SLC25A32: variants seen among roughly 807,000 people sequenced by gnomAD.
The protein encoded by SLC25A32 is Glycine auxotroph B, complementation of hamster.
A neutral mutation model predicts 39.0 loss-of-function variants in SLC25A32; 32 were observed. The ratio of observed to expected loss-of-function variants is 0.82; its 90% CI spans 0.62 to 1.10. SLC25A32 has a LOEUF of 1.10. SLC25A32 is among the 50% of genes least tolerant of loss of function. The probability of loss-of-function intolerance (pLI) is 0.00; values close to 1 mark genes in which losing one functional copy is unlikely to be tolerated. For missense variants in SLC25A32, 367 were observed against 395.3 expected (o/e 0.93, Z 0.61); for synonymous variants, 166 against 152.4 (o/e 1.09, Z -0.66).
chr8:103,407,575 C>T, intron 2 of SLC25A32, 59 bp downstream of exon 2: 1 of 1,332,268 alleles, frequency 7.5e-7, no homozygotes, highest in Non-Finnish European at 1.0e-6. Context: ...ATGTAAAAAT[C>T]ACCGAAAACA....
chr8:103,409,996 C>G (rs1013566832), intron 1 of SLC25A32, among the ~76,000 whole-genome samples: 1 of 152,154 alleles, frequency 6.6e-6, no homozygotes, highest in Non-Finnish European at 1.5e-5. Context: ...GGTTTTCCTG[C>G]ATAGTTTATA....
Position 103,414,902 on chromosome 8 carries a change from C to A in SLC25A32, c.36G>T (p.Ser12=). 6 of 1,611,332 alleles carry A rather than the reference C, an allele frequency of 3.7e-6. No homozygotes were observed. The highest frequency in any genetic ancestry group is 5.1e-6 in the Non-Finnish European group (6 of 1,179,180). ...TGQGQSASGS[S]AWSTVFRHVR... ...CGTGGCGGAATACCGTGCTCCACGCCGACGACCCGGACGCCGACTGGCCCT... is the reference window on the plus strand; with the variant it reads ...CGTGGCGGAATACCGTGCTCCACGCAGACGACCCGGACGCCGACTGGCCCT... The change falls in exon 1 of 7, where the codon TCG becomes TCT. Residue 12 remains serine, a synonymous_variant. Coordinates refer to ENST00000297578, the MANE Select transcript of SLC25A32 (RefSeq NM_030780.5).
At chr8:103,405,058 T>C (rs146282374) in intron 2 of SLC25A32, among the ~76,000 whole-genome samples, 197 bp from the exon 3 acceptor site, 34 of 152,286 alleles carry the variant, frequency 2.2e-4, no homozygotes, top group African/African-American at 7.9e-4. Flanking sequence ...CTCAAATGAA[T>C]ACGGCTAGCA....
rs1388075177 is a variant in SLC25A32, at chr8:103,400,431, G to C, written c.928C>G (p.Leu310Val). 3 of 1,614,028 alleles carry C rather than the reference G, an allele frequency of 1.9e-6. No homozygotes were observed. The highest frequency in any genetic ancestry group is 2.2e-5 in the South Asian group (2 of 91,086). Residue 310 changes from leucine (L) to valine (V), a missense_variant, in exon 7 of 7, where the codon CTT becomes GTT. Transcript: ENST00000297578. ...YENVSHFLLD[L>V]REKRK The stretch of plus-strand genomic sequence containing the variant: ...TGAGCTTACTTTCTCTTTTCTCTAA[G>C]GTCAAGTAAAAAATGTGAGACGTTT...
chr8:103,401,985 A>T lies in SLC25A32; in HGVS notation c.622T>A (p.Leu208Met), dbSNP rs148952091. Residue 208 changes from leucine (L) to methionine (M), a missense_variant, in exon 5 of 7, where the codon TTG becomes ATG. By Grantham distance (15) the Leu-to-Met change is conservative (BLOSUM62 2). Transcript: ENST00000297578. ...LQFMAYELLK[L>M]KYNQHINRLP... ...CTATTGATATGCTGGTTGTACTTCA[A>T]CTTCAGCAATTCATATGCCATAAAC... 1.2e-6 allele frequency: 2 copies of T among 1,613,302 alleles called. No individual in the cohort carries two copies. The highest frequency in any genetic ancestry group is 2.7e-5 in the African/African-American group (2 of 74,930).
Position 103,401,858 on chromosome 8 carries a change from C to A in SLC25A32, c.666+83G>T, listed in dbSNP as rs1284956801. 3 of 1,153,222 alleles carry A rather than the reference C, an allele frequency of 2.6e-6. No individual in the cohort carries two copies. The East Asian group carries it at 7.5e-5, about 29-fold the overall frequency. The allele number at this position is 1,153,222 out of a possible 1,614,324, so 71.4% of individuals were successfully genotyped here. A position where few individuals can be genotyped will look rare whatever the true frequency, so the allele number is the denominator to read the frequency against. On this transcript the variant is annotated intron_variant, in intron 5 of 6. Transcript: ENST00000297578. ...CCAGTACTCATCATCATAGCACTAC[C>A]ACCAAAGTAAGCATGACAAAAATTT...
chr8:103,409,372 T>TC (rs1816411188), intron 1 of SLC25A32, among the ~76,000 whole-genome samples: 1 of 152,174 alleles, frequency 6.6e-6, no homozygotes, highest in Non-Finnish European at 1.5e-5. Context: ...ACATATGACA[T>TC]TATGGTTTTC....
chr8:103,409,123 A>C (rs1816402497), intron 1 of SLC25A32, among the ~76,000 whole-genome samples: 1 of 152,226 alleles, frequency 6.6e-6, no homozygotes, highest in Non-Finnish European at 1.5e-5. Context: ...ACAAGGAATA[A>C]TACAGTATCA....
chr8:103,408,341 G>A (rs1385784609), intron 1 of SLC25A32, among the ~76,000 whole-genome samples: 1 of 152,008 alleles, frequency 6.6e-6, no homozygotes, highest in Non-Finnish European at 1.5e-5. Context: ...AGTGTTTATT[G>A]AGGGCATACT....
At chr8:103,410,653 G>A (rs868343936) in intron 1 of SLC25A32, among the ~76,000 whole-genome samples, 5 of 152,048 alleles carry the variant, frequency 3.3e-5, no homozygotes, top group Non-Finnish European at 4.4e-5. Context: ...ATGACCTCAT[G>A]ATCATTTTAA....
chr8:103,404,476 T>C (rs1260391187), intron 3 of SLC25A32, among the ~76,000 whole-genome samples: 1 of 151,930 alleles, frequency 6.6e-6, no homozygotes, highest in Non-Finnish European at 1.5e-5. Flanking sequence ...GTGTCTGTAG[T>C]CCCAGCTACT....
In SLC25A32 at chr8:103,407,655, G is replaced by T; in HGVS notation, c.284C>A (p.Ser95Tyr). The stretch of plus-strand genomic sequence containing the variant: ...TCACAAGAAAAAGTAGAGTCCCCAG[G>T]ATAAACCTGCACCCCATATATTTGG... Reference protein sequence around the residue: ...VTPNIWGAGLSWGLYFFFYNA... With the variant: ...VTPNIWGAGLYWGLYFFFYNA... Residue 95 changes from serine to tyrosine, a missense_variant, in exon 2 of 7, where the codon TCC becomes TAC. Ser to Tyr is a moderately radical substitution (Grantham distance 144). Transcript: ENST00000297578. The T allele has an allele frequency of 6.3e-7, 1 of 1,596,836 alleles. No homozygotes were observed. The highest frequency in any genetic ancestry group is 1.1e-5 in the South Asian group (1 of 88,620).
chr8:103,402,854 C>G (rs1340397858), intron 4 of SLC25A32, among the ~76,000 whole-genome samples: 1 of 152,148 alleles, frequency 6.6e-6, no homozygotes, highest in East Asian at 1.9e-4. Flanking sequence ...CCCCAAGAGA[C>G]CACAGCTTCC....
In SLC25A32 at chr8:103,406,065, G is replaced by GTGTGTA. The variant is rs372284581; in HGVS notation, c.306-1205_306-1204insTACACA. On this transcript the variant is annotated intron_variant, in intron 2 of 6. Coordinates refer to ENST00000297578, the MANE Select transcript of SLC25A32 (RefSeq NM_030780.5). ...AAATTCATGATGTGTGTGTGTGTGTGTATATATATATATATACACACACAC... is the reference window on the plus strand; with the variant it reads ...AAATTCATGATGTGTGTGTGTGTGTGTGTGTATATATATATATATATACACACACAC... Among the ~76,000 whole-genome samples, 663 of 144,226 alleles carry GTGTGTA rather than the reference G, an allele frequency of 4.6e-3. 9 individuals carry two copies. Among genetic ancestry groups the GTGTGTA allele is most frequent in the African/African-American group, 0.014 (525 of 38,608 alleles). The allele number at this position is 144,226 out of a possible 152,430, so 94.6% of individuals were successfully genotyped here.
chr8:103,415,107 T>C lies in SLC25A32; in HGVS notation c.-170A>G, dbSNP rs900091638. On this transcript the variant is annotated 5_prime_UTR_variant, in exon 1 of 7. Transcript: ENST00000297578. ...TGAGCGAAGCCGGAGACTCTAGTAC[T>C]GAGGGGGCAAGAACGGGGCACAGAC... The C allele has an allele frequency of 1.1e-5, 18 of 1,612,082 alleles. No homozygotes were observed. Among genetic ancestry groups the C allele is most frequent in the Middle Eastern group, 1.6e-4 (1 of 6,080 alleles).
intron 1 of SLC25A32, among the ~76,000 whole-genome samples, chr8:103,411,976 C>G (rs1216914471): frequency 1.3e-5 from 2 of 152,244 alleles, no homozygotes; most frequent in African/African-American, 2.4e-5. Flanking sequence ...AACAGACTTT[C>G]TGAGCTTGAA....
At chr8:103,414,676 CA>C (rs10709873) in intron 1 of SLC25A32, 107 bp downstream of exon 1, 663,756 of 1,493,374 alleles carry the variant, frequency 0.44, 149,014 homozygotes, top group African/African-American at 0.49. Context: ...ACGCGGACAG[CA>C]ACGCTCCCTT....
Position 103,401,824 on chromosome 8 carries a change from G to A in SLC25A32, c.666+117C>T, listed in dbSNP as rs3133808. On this transcript the variant is annotated intron_variant, in intron 5 of 6. Coordinates refer to ENST00000297578, the MANE Select transcript of SLC25A32 (RefSeq NM_030780.5). ...AAATATTTAACTATAAATTAAATCA[G>A]TGGCAGAGCCAGTACTCATCATCAT... The A allele has an allele frequency of 2.0e-5, 19 of 968,168 alleles. No homozygotes were observed. In the East Asian group the frequency reaches 4.8e-4, roughly 25 times the overall value. 60.0% of individuals were successfully genotyped at this position (968,168 alleles called of 1,614,324 possible). A position where few individuals can be genotyped will look rare whatever the true frequency, so the allele number is the denominator to read the frequency against.
Position 103,400,295 on chromosome 8 carries a change from A to G in SLC25A32, c.*116T>C. On this transcript the variant is annotated 3_prime_UTR_variant, in exon 7 of 7. Transcript: ENST00000297578. ...AGCAGTTCTCTGGCTTCTAATGACT[A>G]TAGAGCAATTTCGAATATGAGCCAT... 8.1e-7 allele frequency: 1 copy of G among 1,231,668 alleles called. No individual in the cohort carries two copies. The highest frequency in any genetic ancestry group is 1.2e-6 in the Non-Finnish European group (1 of 863,062). The allele number at this position is 1,231,668 out of a possible 1,614,324, so 76.3% of individuals were successfully genotyped here. A position where few individuals can be genotyped will look rare whatever the true frequency, so the allele number is the denominator to read the frequency against.
Sources: gnomAD v4.1 joint callset for allele counts (sites outside exome capture counted in the v4.1 genomes callset) on GRCh38, gnomAD v4.1.1 for gene constraint, MANE v1.5 for transcripts, NCBI Gene and HGNC (gene_info 2026-07-23, HGNC 2026-07-21) for gene names.